RGS6: variants seen among roughly 807,000 people sequenced by gnomAD.
RGS6 encodes regulator of G protein signaling 6, also known as regulator of G-protein signaling 6.
Under a neutral mutation model 78.5 loss-of-function variants are expected in RGS6, and 30 were observed. That is an observed-to-expected ratio of 0.38 (90% confidence interval 0.29 to 0.52). The LOEUF (loss-of-function observed/expected upper bound fraction) is 0.52, where lower values mean the gene tolerates loss of function less well. RGS6 is among the 20% of genes least tolerant of loss of function. The pLI, the probability that RGS6 is intolerant of heterozygous loss-of-function variation, is 0.85. For synonymous variants in RGS6, 206 were observed against 206.0 expected (o/e 1.00, Z 0.00); for missense variants, 495 against 609.7 (o/e 0.81, Z 1.98).
chr14:72,142,322 AAAGAG>A (rs1215305157), intron 2 of RGS6, among the ~76,000 whole-genome samples: 1 of 152,110 alleles, frequency 6.6e-6, no homozygotes. Context: ...TAAAAAAAAA[AAAGAG>A]AGGAGAGAGA....
At chr14:72,007,686 G>T (rs559072222) in intron 2 of RGS6, among the ~76,000 whole-genome samples, 1 of 152,204 alleles carries the variant, frequency 6.6e-6, no homozygotes, top group African/African-American at 2.4e-5. Flanking sequence ...TTGGACGAAG[G>T]GCTTGCCTTA....
Position 72,564,857 on chromosome 14 carries a change from C to G in RGS6, c.*2390C>G, listed in dbSNP as rs1248936775. ...GGGAGGGTCAGTAAGCACAACGGAG[C>G]TAGGGAGACTTCAGATGGACTCAAA... On this transcript the variant is annotated 3_prime_UTR_variant, in exon 18 of 18. Transcript: ENST00000553525. The G allele has an allele frequency of 6.6e-6, 1 of 152,348 alleles. No individual in the cohort carries two copies. Among genetic ancestry groups the G allele is most frequent in the Non-Finnish European group, 1.5e-5 (1 of 68,178 alleles). 9.4% of individuals were successfully genotyped at this position (152,348 alleles called of 1,614,324 possible). A position where few individuals can be genotyped will look rare whatever the true frequency, so the allele number is the denominator to read the frequency against.
chr14:72,182,821 C>T (rs955356040), intron 2 of RGS6, among the ~76,000 whole-genome samples: 3 of 152,034 alleles, frequency 2.0e-5, no homozygotes, highest in South Asian at 2.1e-4. Flanking sequence ...TGAATGGGCA[C>T]GATTTAGCAG....
At chr14:72,203,569 G>A (rs1182114579) in intron 2 of RGS6, among the ~76,000 whole-genome samples, 1 of 152,134 alleles carries the variant, frequency 6.6e-6, no homozygotes, top group Non-Finnish European at 1.5e-5. Context: ...CGTCATGGCT[G>A]TTGGCTGACC....
intron 2 of RGS6, among the ~76,000 whole-genome samples, chr14:71,997,717 A>T (rs1008278209): frequency 2.6e-5 from 4 of 152,180 alleles, no homozygotes; most frequent in African/African-American, 9.7e-5. Context: ...TGGGGGTCAG[A>T]GTTCTGGGAA....
At chr14:71,988,766 A>G (rs959691294) in intron 2 of RGS6, among the ~76,000 whole-genome samples, 1 of 152,182 alleles carries the variant, frequency 6.6e-6, no homozygotes. Context: ...CAGTGATTCC[A>G]TGTGGTGCTG....
intron 2 of RGS6, among the ~76,000 whole-genome samples, chr14:72,331,454 A>AT: frequency 6.6e-6 from 1 of 152,262 alleles, no homozygotes; most frequent in African/African-American, 2.4e-5. Context: ...AGAGGGTGGA[A>AT]TATGGTGCAG....
chr14:72,286,034 A>G (rs913468073), intron 2 of RGS6, among the ~76,000 whole-genome samples: 10 of 152,032 alleles, frequency 6.6e-5, no homozygotes, highest in Non-Finnish European at 8.8e-5. Context: ...CCACTTGCCT[A>G]TTTTTGCTTT....
chr14:72,209,578 T>C (rs1219777110), intron 2 of RGS6, among the ~76,000 whole-genome samples: 1 of 152,120 alleles, frequency 6.6e-6, no homozygotes, highest in African/African-American at 2.4e-5. Context: ...AATTTCAAGG[T>C]CACTGGTGGA....
intron 12 of RGS6, 42 bp from the exon 13 acceptor site, chr14:72,495,110 A>G (rs1441436945): frequency 2.6e-6 from 3 of 1,149,794 alleles, no homozygotes; most frequent in African/African-American, 3.0e-5. Flanking sequence ...GGGGTTTTCT[A>G]AGGAAATCAG....
At chr14:72,330,014 CAT>C (rs1312797763) in intron 2 of RGS6, among the ~76,000 whole-genome samples, 1 of 152,200 alleles carries the variant, frequency 6.6e-6, no homozygotes, top group Non-Finnish European at 1.5e-5. Context: ...TGGATGGCAT[CAT>C]GTCCATTTTT....
intron 2 of RGS6, among the ~76,000 whole-genome samples, chr14:72,201,261 C>G (rs1251290777): frequency 1.3e-5 from 2 of 152,194 alleles, no homozygotes; most frequent in Non-Finnish European, 2.9e-5. Context: ...ATTATGGCAA[C>G]TGATGATTTG....
intron 2 of RGS6, among the ~76,000 whole-genome samples, chr14:72,261,633 A>T (rs555887963): frequency 6.6e-6 from 1 of 152,202 alleles, no homozygotes; most frequent in Non-Finnish European, 1.5e-5. Flanking sequence ...TCAATGAACC[A>T]GTTACCAAAC....
chr14:72,626,812 AT>A, the RGS6 span, among the ~76,000 whole-genome samples: 2 of 151,876 alleles, frequency 1.3e-5, no homozygotes, highest in Non-Finnish European at 2.9e-5. Context: ...TGAAGGCACC[AT>A]TTTTCCCATA....
chr14:72,161,712 T>C (rs1356731281), intron 2 of RGS6, among the ~76,000 whole-genome samples: 1 of 152,254 alleles, frequency 6.6e-6, no homozygotes, highest in South Asian at 2.1e-4. Flanking sequence ...GTTGCTGAAC[T>C]ACAGGAGTGT....
intron 2 of RGS6, among the ~76,000 whole-genome samples, chr14:72,266,065 T>G (rs1031032585): frequency 6.6e-6 from 1 of 152,100 alleles, no homozygotes; most frequent in Non-Finnish European, 1.5e-5. Flanking sequence ...TTCCCTATCA[T>G]CACTCATGAT....
chr14:72,540,603 C>A (rs1388462784), intron 17 of RGS6: 1 of 1,484,024 alleles, frequency 6.7e-7, no homozygotes, highest in South Asian at 1.1e-5. Flanking sequence ...AGAAAGCGGC[C>A]GTGCTGCATG....
upstream of RGS6, among the ~76,000 whole-genome samples, chr14:71,928,221 T>C (rs1204554715): frequency 6.6e-6 from 1 of 152,210 alleles, no homozygotes; most frequent in East Asian, 1.9e-4. Context: ...CTGTGCCCTT[T>C]GAGCCATTCT....
intron 2 of RGS6, among the ~76,000 whole-genome samples, chr14:72,236,295 A>G (rs887536489): frequency 1.3e-5 from 2 of 152,120 alleles, no homozygotes; most frequent in Non-Finnish European, 2.9e-5. Context: ...CCCTCTCTTC[A>G]TCTTATTTTT....
Sources: gnomAD v4.1 joint callset for allele counts (sites outside exome capture counted in the v4.1 genomes callset) on GRCh38, gnomAD v4.1.1 for gene constraint, MANE v1.5 for transcripts, NCBI Gene and HGNC (gene_info 2026-07-23, HGNC 2026-07-21) for gene names.